Variants in CYTIP observed in about 807,000 individuals in gnomAD.
CYTIP encodes the protein cytohesin-interacting protein.
In CYTIP, 26 loss-of-function variants were observed where a neutral mutation model predicts 43.8. The ratio of observed to expected loss-of-function variants is 0.59; its 90% CI spans 0.44 to 0.82. The LOEUF is 0.82. CYTIP is among the 40% of genes least tolerant of loss of function. CYTIP has a pLI of 0.00. For synonymous variants in CYTIP, 162 were observed against 162.9 expected (o/e 0.99, Z 0.04); for missense variants, 426 against 443.1 (o/e 0.96, Z 0.35).
intron 6 of CYTIP, among the ~76,000 whole-genome samples, chr2:157,425,764 T>A (rs907948471): frequency 6.6e-6 from 1 of 152,148 alleles, no homozygotes; most frequent in Non-Finnish European, 1.5e-5. Context: ...TCACTAAGAT[T>A]ATCTTTCTTT....
At chr2:157,436,601 A>G (rs1019988313) in intron 1 of CYTIP, among the ~76,000 whole-genome samples, 3 of 151,992 alleles carry the variant, frequency 2.0e-5, no homozygotes, top group Admixed American at 6.6e-5. Context: ...ATATGTATAC[A>G]TATATGTATA....
At chr2:157,424,004 A>G (rs968043415) in intron 6 of CYTIP, among the ~76,000 whole-genome samples, 1 of 152,208 alleles carries the variant, frequency 6.6e-6, no homozygotes, top group African/African-American at 2.4e-5. Context: ...TTAATCTGAA[A>G]GATAGCTCAT....
chr2:157,439,971 T>C (rs957675571), intron 1 of CYTIP, among the ~76,000 whole-genome samples: 2 of 152,244 alleles, frequency 1.3e-5, no homozygotes, highest in Admixed American at 6.5e-5. Context: ...CTCAGCCAGA[T>C]AGCCAGCTCT....
At position 157,415,850 on chromosome 2, in the gene CYTIP, G is replaced by A; in HGVS notation, c.907C>T (p.Arg303Trp). Residue 303 changes from arginine to tryptophan, a missense_variant, in exon 8 of 8, where the codon CGG becomes TGG. Transcript: ENST00000264192. ...CCGCTGCTGGTGTTACTGATGCTCC[G>A]GTTCCTCCTTGAAGATGACCTCCTC... ...FLRRSSSRRN[R>W]SISNTSSGSM... 7 of 1,614,144 alleles carry A rather than the reference G, an allele frequency of 4.3e-6. No individual in the cohort carries two copies. Among genetic ancestry groups the A allele is most frequent in the South Asian group, 1.1e-5 (1 of 91,082 alleles).
intron 3 of CYTIP, chr2:157,434,106 T>C (rs1685755591): frequency 2.0e-6 from 1 of 503,400 alleles, no homozygotes; most frequent in Admixed American, 3.8e-5. Context: ...ACCTAGCTGA[T>C]CAGTCTGGGA....
chr2:157,423,042 T>A (rs1387748009), intron 6 of CYTIP, among the ~76,000 whole-genome samples: 7 of 151,846 alleles, frequency 4.6e-5, no homozygotes, highest in Non-Finnish European at 1.0e-4. Flanking sequence ...ACAAGAGTGG[T>A]GTAGAAGGTA....
chr2:157,442,157 CG>C (rs943014989), intron 1 of CYTIP, among the ~76,000 whole-genome samples: 2 of 152,180 alleles, frequency 1.3e-5, no homozygotes, highest in African/African-American at 4.8e-5. Context: ...TTCAATATCT[CG>C]AATATCTATT....
chr2:157,438,207 A>T (rs1685844114), intron 1 of CYTIP, among the ~76,000 whole-genome samples: 1 of 152,200 alleles, frequency 6.6e-6, no homozygotes, highest in Admixed American at 6.5e-5. Context: ...AAAAGAATGA[A>T]ATCCTGTCAT....
At chr2:157,430,022 CAAAAAAA>C (rs768455650) in intron 5 of CYTIP, among the ~76,000 whole-genome samples, 2 of 52,696 alleles carry the variant, frequency 3.8e-5, no homozygotes, top group African/African-American at 1.4e-4. Context: ...GACTCCGTCT[CAAAAAAA>C]AAAAAAAAAA....
chr2:157,434,588 G>T, intron 2 of CYTIP, 110 bp downstream of exon 2: 1 of 806,172 alleles, frequency 1.2e-6, no homozygotes, highest in Non-Finnish European at 2.0e-6. Flanking sequence ...GCGTCTGTGT[G>T]TGTGCGTAGA....
intron 7 of CYTIP, among the ~76,000 whole-genome samples, chr2:157,418,043 CT>C (rs1221454255): frequency 6.6e-6 from 1 of 152,180 alleles, no homozygotes; most frequent in Non-Finnish European, 1.5e-5. Flanking sequence ...GCATTTATGT[CT>C]TTGTCTTGGG....
At chr2:157,426,787 A>G (rs155615) in intron 6 of CYTIP, among the ~76,000 whole-genome samples, 126,456 of 152,084 alleles carry the variant, frequency 0.83, 53,088 homozygotes, top group Middle Eastern at 0.93. Context: ...AGCCTCAAAA[A>G]ACCATCCCAG....
In CYTIP at chr2:157,427,432, A is replaced by G. The variant is rs200976715; in HGVS notation, c.477-12T>C. 1.4e-4 allele frequency: 194 copies of G among 1,350,768 alleles called. 4 individuals carry two copies. In the East Asian group the frequency reaches 4.7e-3, roughly 32 times the overall value. The allele number at this position is 1,350,768 out of a possible 1,614,324, so 83.7% of individuals were successfully genotyped here. ...TAAGAGTCTCTATCCTGTTTTAAGGAAAAAAAAAAGAAGAGGAAGGTGGGG... is the reference window on the plus strand; with the variant it reads ...TAAGAGTCTCTATCCTGTTTTAAGGGAAAAAAAAAGAAGAGGAAGGTGGGG... On this transcript the variant is annotated splice_polypyrimidine_tract_variant and intron_variant, in intron 5 of 7. Coordinates refer to ENST00000264192, the MANE Select transcript of CYTIP (RefSeq NM_004288.5).
intron 1 of CYTIP, among the ~76,000 whole-genome samples, chr2:157,440,827 C>G (rs887469136): frequency 1.3e-5 from 2 of 152,158 alleles, no homozygotes; most frequent in Admixed American, 6.5e-5. Context: ...AAGCAACGTA[C>G]TACATTTATG....
chr2:157,438,600 G>A (rs1257278680), intron 1 of CYTIP, among the ~76,000 whole-genome samples: 1 of 152,118 alleles, frequency 6.6e-6, no homozygotes, highest in East Asian at 1.9e-4. Context: ...ACTCTGATCT[G>A]ATCACTGTAC....
intron 1 of CYTIP, among the ~76,000 whole-genome samples, chr2:157,436,324 C>A (rs1303620476): frequency 3.3e-5 from 5 of 152,134 alleles, no homozygotes; most frequent in Admixed American, 6.5e-5. Flanking sequence ...GGCTTCCTTG[C>A]AGAAGAGAGC....
intron 1 of CYTIP, among the ~76,000 whole-genome samples, chr2:157,441,295 C>T (rs1328079511): frequency 6.6e-6 from 1 of 152,060 alleles, no homozygotes; most frequent in Non-Finnish European, 1.5e-5. Context: ...TCTCTAAAAA[C>T]CAGTTAAAGG....
intron 6 of CYTIP, among the ~76,000 whole-genome samples, chr2:157,425,175 C>T (rs1189554357): frequency 3.9e-5 from 6 of 152,068 alleles, no homozygotes; most frequent in Non-Finnish European, 7.4e-5. Context: ...GTAATATATT[C>T]AAAGTGCTAA....
At chr2:157,442,695 A>C (rs1190282646) in intron 1 of CYTIP, among the ~76,000 whole-genome samples, 2 of 152,232 alleles carry the variant, frequency 1.3e-5, no homozygotes, top group Non-Finnish European at 2.9e-5. Context: ...AGAACAATCA[A>C]TAATCCAAAT....
Sources: allele counts gnomAD v4.1 joint callset (sites outside exome capture counted in the v4.1 genomes callset), GRCh38; gene constraint gnomAD v4.1.1; transcripts MANE v1.5; gene names NCBI Gene and HGNC (gene_info 2026-07-23, HGNC 2026-07-21).